Variants in RFX2 observed in about 807,000 individuals in gnomAD.
The protein encoded by RFX2 is DNA-binding protein RFX2.
In RFX2, 20 loss-of-function variants were observed where a neutral mutation model predicts 87.8. The ratio of observed to expected loss-of-function variants is 0.23; its 90% CI spans 0.16 to 0.33. The LOEUF (loss-of-function observed/expected upper bound fraction) is 0.33, where lower values mean the gene tolerates loss of function less well. Ranked by LOEUF, RFX2 falls within the 10% of genes least tolerant of loss-of-function variation. The pLI is 1.00. For missense variants in RFX2, 767 were observed against 1,012.3 expected, an observed-to-expected ratio of 0.76 and a Z score of 3.29; for synonymous variants, 397 against 431.3, an observed-to-expected ratio of 0.92 and a Z score of 0.98.
chr19:6,010,670 C>G lies in RFX2; in HGVS notation c.900-419G>C, dbSNP rs2086648969. Reference sequence around the variant, plus strand: ...TGGTCTCTCTCACTGAGCGTTATGTCCTCAAGGTCCACCGAGTTGTAGCCT... The same window carrying G: ...TGGTCTCTCTCACTGAGCGTTATGTGCTCAAGGTCCACCGAGTTGTAGCCT... On this transcript the variant is annotated intron_variant, in intron 8 of 17. Coordinates refer to ENST00000303657, the MANE Select transcript of RFX2 (RefSeq NM_000635.4). This position sits in a 1 kb window ranked among gnomAD's most constrained non-coding sequence, Gnocchi z 5.0. Among the ~76,000 whole-genome samples, 1 of 152,184 alleles carries G rather than the reference C, an allele frequency of 6.6e-6. No homozygotes were observed. Among genetic ancestry groups the G allele is most frequent in the Non-Finnish European group, 1.5e-5 (1 of 68,038 alleles).
In RFX2 at chr19:6,044,953, T is replaced by C. The variant is rs1194838688; in HGVS notation, c.91-671A>G. On this transcript the variant is annotated intron_variant, in intron 2 of 17. Coordinates refer to ENST00000303657, the MANE Select transcript of RFX2 (RefSeq NM_000635.4). This position sits in a 1 kb window ranked among gnomAD's most constrained non-coding sequence, Gnocchi z 5.3. ...TTTGCTATTTTTCTGGGAGTACCGA[T>C]TGGCCACACAAAGCTATCAAAATGG... Among the ~76,000 whole-genome samples, 3 of 152,082 alleles carry C rather than the reference T, an allele frequency of 2.0e-5. No individual in the cohort carries two copies. Among genetic ancestry groups the C allele is most frequent in the African/African-American group, 4.8e-5 (2 of 41,390 alleles).
intron 1 of RFX2, among the ~76,000 whole-genome samples, chr19:6,088,098 C>T (rs1323728902): frequency 6.6e-6 from 1 of 152,118 alleles, no homozygotes; most frequent in East Asian, 1.9e-4. Flanking sequence ...GAAGCAATGA[C>T]CCCTGAACAC....
At chr19:6,091,770 C>G (rs2087939420) in intron 1 of RFX2, among the ~76,000 whole-genome samples, 1 of 152,196 alleles carries the variant, frequency 6.6e-6, no homozygotes, top group South Asian at 2.1e-4. Context: ...GTGGGGAAAT[C>G]TGTTTCAGGA....
intron 1 of RFX2, among the ~76,000 whole-genome samples, chr19:6,052,490 C>G (rs920141597): frequency 2.0e-5 from 3 of 152,126 alleles, no homozygotes; most frequent in Non-Finnish European, 4.4e-5. Context: ...ATTAGAAGAA[C>G]TAAGCAGAAA....
intron 1 of RFX2, among the ~76,000 whole-genome samples, chr19:6,067,461 A>T (rs1487104135): frequency 6.6e-6 from 1 of 152,156 alleles, no homozygotes; most frequent in Non-Finnish European, 1.5e-5. Flanking sequence ...CTTTTCTAAG[A>T]GGAAGCCAGG....
In RFX2 at chr19:6,022,660, T is replaced by A. The variant is rs1419991181; in HGVS notation, c.597+3503A>T. On this transcript the variant is annotated intron_variant, in intron 6 of 17. Coordinates refer to ENST00000303657, the MANE Select transcript of RFX2 (RefSeq NM_000635.4). The surrounding 1 kb of genome is among the most constrained non-coding windows in gnomAD (Gnocchi z 6.2). ...GTCCCCTTCCCTCTGGAAGAGCTAA[T>A]CCCCATTTTCACGGCGCCATATCAT... Among the ~76,000 whole-genome samples, 2 of 152,174 alleles carry A rather than the reference T, an allele frequency of 1.3e-5. No homozygotes were observed. The highest frequency in any genetic ancestry group is 4.8e-5 in the African/African-American group (2 of 41,450).
chr19:5,997,283 A>T lies in RFX2; in HGVS notation c.1860-70T>A. 6.8e-7 allele frequency: 1 copy of T among 1,476,134 alleles called. No homozygotes were observed. Among genetic ancestry groups the T allele is most frequent in the Non-Finnish European group, 9.0e-7 (1 of 1,105,792 alleles). 91.4% of individuals were successfully genotyped at this position (1,476,134 alleles called of 1,614,324 possible). ...GAACCCGGGCCCCAGGCCAGACTTCATGGCAGCAACACACCCCCTGCTCTA... is the reference window on the plus strand; with the variant it reads ...GAACCCGGGCCCCAGGCCAGACTTCTTGGCAGCAACACACCCCCTGCTCTA... On this transcript the variant is annotated intron_variant, in intron 15 of 17. Transcript: ENST00000303657. This position sits in a 1 kb window ranked among gnomAD's most constrained non-coding sequence, Gnocchi z 4.2.
At chr19:6,100,651 C>G (rs1010628861) in intron 1 of RFX2, among the ~76,000 whole-genome samples, 8 of 151,960 alleles carry the variant, frequency 5.3e-5, no homozygotes, top group Admixed American at 5.2e-4. Flanking sequence ...GTTTCCTGAC[C>G]GGAAGTCTAG....
At chr19:6,089,221 A>G (rs1278472455) in intron 1 of RFX2, among the ~76,000 whole-genome samples, 2 of 152,358 alleles carry the variant, frequency 1.3e-5, no homozygotes, top group East Asian at 3.9e-4. Flanking sequence ...CAAATAGCCC[A>G]TGTAATGACA....
In RFX2 at chr19:6,040,136, C is replaced by A. The variant is rs35078478; in HGVS notation, c.366G>T (p.Ser122=). 258 of 1,609,162 alleles carry A rather than the reference C, an allele frequency of 1.6e-4. No homozygotes were observed. Among genetic ancestry groups the A allele is most frequent in the Non-Finnish European group, 2.1e-4 (242 of 1,177,526 alleles). The stretch of plus-strand genomic sequence containing the variant: ...TGTGGGAGGGGACCGCTGGCGGGGA[C>A]GAGGCTGCCACGGTCACCTGGGCAC... ...PGGAQVTVAA[S]SPPAVPSHSM... is the part of the protein sequence containing the mutation. Residue 122 remains serine, a synonymous_variant, in exon 5 of 18, where the codon TCG becomes TCT. Coordinates refer to ENST00000303657, the MANE Select transcript of RFX2 (RefSeq NM_000635.4). The surrounding 1 kb of genome is among the most constrained non-coding windows in gnomAD (Gnocchi z 6.1).
rs2087172754 is a variant in RFX2 at position 6,045,406 on chromosome 19, C to T, written c.91-1124G>A. Among the ~76,000 whole-genome samples, 1 of 152,046 alleles carries T rather than the reference C, an allele frequency of 6.6e-6. No homozygotes were observed. Among genetic ancestry groups the T allele is most frequent in the Non-Finnish European group, 1.5e-5 (1 of 68,010 alleles). Reference sequence around the variant, plus strand: ...CAGAGTCCACCTAGGCCTGGGAGAGCCTGAGAGAGGGGCTTGGCAGGAAGA... The same window carrying T: ...CAGAGTCCACCTAGGCCTGGGAGAGTCTGAGAGAGGGGCTTGGCAGGAAGA... On this transcript the variant is annotated intron_variant, in intron 2 of 17. Coordinates refer to ENST00000303657, the MANE Select transcript of RFX2 (RefSeq NM_000635.4). The surrounding 1 kb of genome is among the most constrained non-coding windows in gnomAD (Gnocchi z 5.2).
intron 1 of RFX2, among the ~76,000 whole-genome samples, chr19:6,085,462 T>TA (rs1311635282): frequency 2.0e-5 from 3 of 152,238 alleles, no homozygotes; most frequent in Non-Finnish European, 4.4e-5. Flanking sequence ...CTCTGCCCAT[T>TA]AAAAAATTTT....
At chr19:6,080,390 A>C (rs1221125314) in intron 1 of RFX2, among the ~76,000 whole-genome samples, 1 of 152,166 alleles carries the variant, frequency 6.6e-6, no homozygotes, top group African/African-American at 2.4e-5. Flanking sequence ...ACCCAGCCTG[A>C]GGATTCTAAG....
rs922360917 is a variant in RFX2, at chr19:6,021,151, G to A, written c.598-4880C>T. 2.0e-5 allele frequency among the ~76,000 whole-genome samples: 3 copies of A among 152,172 alleles called. No individual in the cohort carries two copies. Among genetic ancestry groups the A allele is most frequent in the Admixed American group, 6.5e-5 (1 of 15,284 alleles). On this transcript the variant is annotated intron_variant, in intron 6 of 17. Transcript: ENST00000303657. This position sits in a 1 kb window ranked among gnomAD's most constrained non-coding sequence, Gnocchi z 5.7. The stretch of plus-strand genomic sequence containing the variant: ...CACTGGCTCCTGGTGGTGAGTTAGA[G>A]TCTCACCGGGCCATACACTAGCAGC...
In RFX2 at chr19:6,045,094, T is replaced by C. The variant is rs2087169054; in HGVS notation, c.91-812A>G. ...TGCTGTGATTTCCCGGCATGAACCC[T>C]GAATGTCACAGGTAGCAGTGACTGC... On this transcript the variant is annotated intron_variant, in intron 2 of 17. Coordinates refer to ENST00000303657, the MANE Select transcript of RFX2 (RefSeq NM_000635.4). The surrounding 1 kb of genome is among the most constrained non-coding windows in gnomAD (Gnocchi z 5.2). Among the ~76,000 whole-genome samples the C allele has an allele frequency of 6.6e-6, 1 of 152,170 alleles. No individual in the cohort carries two copies. Among genetic ancestry groups the C allele is most frequent in the East Asian group, 1.9e-4 (1 of 5,194 alleles).
At chr19:6,070,718 T>C (rs2087595255) in intron 1 of RFX2, among the ~76,000 whole-genome samples, 1 of 152,178 alleles carries the variant, frequency 6.6e-6, no homozygotes, top group Admixed American at 6.5e-5. Flanking sequence ...TTTTCTTTTC[T>C]AGACACAGGG....
intron 1 of RFX2, among the ~76,000 whole-genome samples, chr19:6,100,376 G>C (rs2088100067): frequency 6.6e-6 from 1 of 152,200 alleles, no homozygotes; most frequent in Admixed American, 6.5e-5. Context: ...GACATGACAA[G>C]GCGGTTGGGA....
At chr19:6,076,234 C>A (rs578020008) in intron 1 of RFX2, among the ~76,000 whole-genome samples, 3 of 152,272 alleles carry the variant, frequency 2.0e-5, no homozygotes, top group African/African-American at 7.2e-5. Flanking sequence ...ATCCCAGCTA[C>A]TTGGGAGGCT....
At chr19:6,041,969 T>G (rs1332021152) in intron 4 of RFX2, 75 bp downstream of exon 4, 5 of 1,170,864 alleles carry the variant, frequency 4.3e-6, no homozygotes, top group Non-Finnish European at 6.4e-6. Context: ...AGGAATTTGC[T>G]TGATGCCTCC....
Sources: allele counts gnomAD v4.1 joint callset (sites outside exome capture counted in the v4.1 genomes callset), GRCh38; gene constraint gnomAD v4.1.1; non-coding constraint Gnocchi (gnomAD v3.1); transcripts MANE v1.5; gene names NCBI Gene and HGNC (gene_info 2026-07-23, HGNC 2026-07-21).